The following DNMT3L variants were observed in gnomAD, a reference collection of about 807,000 sequenced individuals.
The protein encoded by DNMT3L is DNA (cytosine-5)-methyltransferase 3-like.
In DNMT3L, 33 loss-of-function variants were observed where a neutral mutation model predicts 36.2. The ratio of observed to expected loss-of-function variants is 0.91; its 90% CI spans 0.69 to 1.22. The LOEUF (loss-of-function observed/expected upper bound fraction) is 1.22. Ranked by LOEUF, DNMT3L falls within the 50% of genes most tolerant of loss-of-function variation. The pLI, the probability that DNMT3L is intolerant of heterozygous loss-of-function variation, is 0.00. For missense variants in DNMT3L, 310 were observed against 303.1 expected, an observed-to-expected ratio of 1.02 and a Z score of -0.17; for synonymous variants, 117 against 121.7, an observed-to-expected ratio of 0.96 and a Z score of 0.26.
chr21:44,261,280 C>G lies in DNMT3L; in HGVS notation c.-7-14G>C, dbSNP rs112457300. 4 of 1,608,800 alleles carry G rather than the reference C, an allele frequency of 2.5e-6. No individual in the cohort carries two copies. In the African/African-American group the frequency reaches 4.0e-5, roughly 16 times the overall value. Reference sequence around the variant, plus strand: ...GCCATGGGGATGCTGTGTCAGGACACACGGACACAGATGTGAGAAAGCCGT... The same window carrying G: ...GCCATGGGGATGCTGTGTCAGGACAGACGGACACAGATGTGAGAAAGCCGT... On this transcript the variant is annotated splice_polypyrimidine_tract_variant and intron_variant, in intron 1 of 11. Transcript: ENST00000628202.
intron 6 of DNMT3L, among the ~76,000 whole-genome samples, chr21:44,257,653 C>T (rs936125885): frequency 1.4e-5 from 2 of 145,980 alleles, no homozygotes; most frequent in East Asian, 3.9e-4. Context: ...TGCACTCCAG[C>T]CTGGGCGACA....
intron 3 of DNMT3L, among the ~76,000 whole-genome samples, 172 bp from the exon 4 acceptor site, chr21:44,259,883 G>A (rs1447286254): frequency 6.6e-6 from 1 of 152,082 alleles, no homozygotes; most frequent in Non-Finnish European, 1.5e-5. Flanking sequence ...CCATGTTCAT[G>A]GATCAGAAGA....
chr21:44,261,014 A>T, intron 2 of DNMT3L, 140 bp downstream of exon 2: 2 of 1,356,226 alleles, frequency 1.5e-6, no homozygotes, highest in South Asian at 2.6e-5. Flanking sequence ...CTGGGGGAAG[A>T]CTGTGGGTGG....
In DNMT3L at chr21:44,256,097, C is replaced by T; in HGVS notation, c.574G>A (p.Val192Met). ...VPVWRRQPVR[V>M]LSLFEDIKKE... Reference sequence around the variant, plus strand: ...TTGATGTCTTCAAAAAGGGACAGCACCCGGACTGGCTGTCTCCTCCACACA... The same window carrying T: ...TTGATGTCTTCAAAAAGGGACAGCATCCGGACTGGCTGTCTCCTCCACACA... Residue 192 changes from valine (V) to methionine (M), a missense_variant, in exon 7 of 12, where the codon GTG becomes ATG. By Grantham distance (21) the Val-to-Met change is conservative (BLOSUM62 1). Transcript: ENST00000628202. 1.2e-6 allele frequency: 2 copies of T among 1,613,960 alleles called. No homozygotes were observed. Among genetic ancestry groups the T allele is most frequent in the Non-Finnish European group, 1.7e-6 (2 of 1,180,012 alleles).
chr21:44,261,292 T>C (rs756362656), intron 1 of DNMT3L, 26 bp from the exon 2 acceptor site: 1 of 1,605,476 alleles, frequency 6.2e-7, no homozygotes, highest in African/African-American at 1.3e-5. Context: ...CGGACACAGA[T>C]GTGAGAAAGC....
In DNMT3L at chr21:44,259,724, T is replaced by C. The variant is rs778893870; in HGVS notation, c.152-13A>G. ...CAGATGCAGATGTCTAAAGGAAACA[T>C]TCAAAGCACACTGTGTTTTCCCAGT... On this transcript the variant is annotated splice_polypyrimidine_tract_variant and intron_variant, in intron 3 of 11. Transcript: ENST00000628202. 2.5e-6 allele frequency: 4 copies of C among 1,603,858 alleles called. No individual in the cohort carries two copies. Among genetic ancestry groups the C allele is most frequent in the Admixed American group, 1.7e-5 (1 of 58,988 alleles).
At chr21:44,255,506 A>C (rs1370010825) in intron 7 of DNMT3L, among the ~76,000 whole-genome samples, 1 of 12,230 alleles carries the variant, frequency 8.2e-5, no homozygotes, top group Non-Finnish European at 1.2e-4. Flanking sequence ...ACTCCGCCTC[A>C]AAAAAAAAAA....
At chr21:44,253,560 A>G (rs1401911802) in intron 8 of DNMT3L, among the ~76,000 whole-genome samples, 2 of 152,120 alleles carry the variant, frequency 1.3e-5, no homozygotes, top group East Asian at 3.8e-4. Context: ...CTACTAAAAA[A>G]TACAAAAAAT....
Position 44,258,826 on chromosome 21 carries a change from G to A in DNMT3L, c.345-132C>T, listed in dbSNP as rs1390930698. 2.4e-6 allele frequency: 3 copies of A among 1,275,556 alleles called. No individual in the cohort carries two copies. The highest frequency in any genetic ancestry group is 2.6e-5 in the East Asian group (1 of 38,706). 79.0% of individuals were successfully genotyped at this position (1,275,556 alleles called of 1,614,324 possible). On this transcript the variant is annotated intron_variant, in intron 5 of 11. Coordinates refer to ENST00000628202, the MANE Select transcript of DNMT3L (RefSeq NM_175867.3). This position sits in a 1 kb window ranked among gnomAD's most constrained non-coding sequence, Gnocchi z 6.2. ...GGAGCTCCCTTTGGGAAGACCAGGT[G>A]GTGGACTGGGAAGAGGGAGACGGTC...
intron 5 of DNMT3L, 52 bp downstream of exon 5, chr21:44,259,385 G>A: frequency 6.4e-7 from 1 of 1,555,856 alleles, no homozygotes; most frequent in African/African-American, 1.4e-5. Flanking sequence ...TAGCTGAAAG[G>A]ATGGGTGTGT....
At chr21:44,260,904 A>G in intron 2 of DNMT3L, 65 bp from the exon 3 acceptor site, 2 of 1,610,556 alleles carry the variant, frequency 1.2e-6, no homozygotes, top group Non-Finnish European at 1.7e-6. Flanking sequence ...AAATTCGGCC[A>G]GGAAGTGAGC....
At chr21:44,254,919 A>G (rs1439610770) in intron 7 of DNMT3L, among the ~76,000 whole-genome samples, 1 of 152,126 alleles carries the variant, frequency 6.6e-6, no homozygotes, top group Non-Finnish European at 1.5e-5. Flanking sequence ...TCCGCCTCCC[A>G]GGTTCAAGCG....
At chr21:44,256,372 C>A (rs112248290) in intron 6 of DNMT3L, among the ~76,000 whole-genome samples, 1 of 150,980 alleles carries the variant, frequency 6.6e-6, no homozygotes, top group Non-Finnish European at 1.5e-5. Flanking sequence ...GTCTCCCGCT[C>A]TGACCTGTCT....
chr21:44,257,404 C>CG (rs1360364802), intron 6 of DNMT3L, among the ~76,000 whole-genome samples: 18 of 148,708 alleles, frequency 1.2e-4, no homozygotes, highest in East Asian at 2.0e-4. Flanking sequence ...AAAACAAGGC[C>CG]GGTGCGGTGG....
At chr21:44,254,827 TTTG>T (rs140535416) in intron 7 of DNMT3L, 122 bp from the exon 8 acceptor site, 159,787 of 919,872 alleles carry the variant, frequency 0.17, 17,209 homozygotes, top group South Asian at 0.22. Context: ...ACTGTATATT[TTTG>T]TTGTTGTTGT....
chr21:44,254,525 C>A, intron 8 of DNMT3L, 92 bp downstream of exon 8: 2 of 1,436,652 alleles, frequency 1.4e-6, no homozygotes, highest in Non-Finnish European at 9.5e-7. Flanking sequence ...CCTGCTGCCG[C>A]CTCCTTGCCC....
rs772110538 is a variant in DNMT3L, at chr21:44,258,726, C to T, written c.345-32G>A. On this transcript the variant is annotated intron_variant, in intron 5 of 11. Transcript: ENST00000628202. The surrounding 1 kb of genome is among the most constrained non-coding windows in gnomAD (Gnocchi z 6.2). ...CCAGACAGAAAACCACAGCAGCGGA[C>T]ATGACAGCCCACCTCTCCTGAGGAT... 20 of 1,602,116 alleles carry T rather than the reference C, an allele frequency of 1.2e-5. No homozygotes were observed. Among genetic ancestry groups the T allele is most frequent in the Non-Finnish European group, 1.7e-5 (20 of 1,172,608 alleles).
intron 7 of DNMT3L, among the ~76,000 whole-genome samples, chr21:44,255,403 C>T (rs975229529): frequency 2.0e-5 from 3 of 151,820 alleles, no homozygotes; most frequent in Admixed American, 6.6e-5. Context: ...CACCTGTAAT[C>T]CCAGCTGCTC....
At position 44,258,509 on chromosome 21, in the gene DNMT3L, C is replaced by T. The variant is rs1360946089; in HGVS notation, c.516+14G>A. The T allele has an allele frequency of 8.4e-6, 13 of 1,541,694 alleles. No individual in the cohort carries two copies. Among genetic ancestry groups the T allele is most frequent in the Non-Finnish European group, 1.1e-5 (13 of 1,140,214 alleles). ...CTGCTGCTGCCGGGTGCTGCCCCTCCACGGGCTCCTTACCGACTCTCGGTC... is the reference window on the plus strand; with the variant it reads ...CTGCTGCTGCCGGGTGCTGCCCCTCTACGGGCTCCTTACCGACTCTCGGTC... On this transcript the variant is annotated intron_variant, in intron 6 of 11. Coordinates refer to ENST00000628202, the MANE Select transcript of DNMT3L (RefSeq NM_175867.3). The surrounding 1 kb of genome is among the most constrained non-coding windows in gnomAD (Gnocchi z 6.2).
Sources: allele counts gnomAD v4.1 joint callset (sites outside exome capture counted in the v4.1 genomes callset), GRCh38; gene constraint gnomAD v4.1.1; non-coding constraint Gnocchi (gnomAD v3.1); transcripts MANE v1.5; gene names NCBI Gene and HGNC (gene_info 2026-07-23, HGNC 2026-07-21).